Variants in TRABD2B observed in about 807,000 individuals in gnomAD.
TRABD2B encodes metalloprotease TIKI2.
A neutral mutation model predicts 40.1 loss-of-function variants in TRABD2B; 14 were observed. That is an observed-to-expected ratio of 0.35 (90% CI 0.23 to 0.55). The LOEUF (loss-of-function observed/expected upper bound fraction) is 0.55. TRABD2B is among the 20% of genes least tolerant of loss of function. The pLI is 0.90. For synonymous variants in TRABD2B, 263 were observed against 277.0 expected (o/e 0.95, Z 0.50); for missense variants, 541 against 648.6 (o/e 0.83, Z 1.80).
chr1:47,860,559 C>T (rs1643951914), intron 2 of TRABD2B, among the ~76,000 whole-genome samples: 1 of 152,132 alleles, frequency 6.6e-6, no homozygotes, highest in African/African-American at 2.4e-5. Context: ...GTCCTGGATT[C>T]CTGAATGACT....
At chr1:47,969,565 T>C (rs948903676) in intron 2 of TRABD2B, among the ~76,000 whole-genome samples, 1 of 152,172 alleles carries the variant, frequency 6.6e-6, no homozygotes, top group African/African-American at 2.4e-5. Flanking sequence ...TTTAGAAACT[T>C]ACAAACACTG....
At chr1:47,918,695 A>G (rs967914762) in intron 2 of TRABD2B, among the ~76,000 whole-genome samples, 1 of 47,970 alleles carries the variant, frequency 2.1e-5, no homozygotes, top group Non-Finnish European at 8.6e-5. Context: ...ACGGGGACGG[A>G]AAGAAAGGAC....
intron 2 of TRABD2B, among the ~76,000 whole-genome samples, chr1:47,979,649 C>A (rs902172775): frequency 1.3e-5 from 2 of 152,176 alleles, no homozygotes; most frequent in African/African-American, 4.8e-5. Flanking sequence ...ACCCCGCCCC[C>A]ACTTTGAACA....
chr1:47,874,335 C>A (rs1644190280), intron 2 of TRABD2B, among the ~76,000 whole-genome samples: 2 of 138,054 alleles, frequency 1.4e-5, no homozygotes, highest in Non-Finnish European at 1.5e-5. Context: ...TGCAGTGGCG[C>A]AATCTCGGCT....
chr1:47,853,703 T>C (rs759996447), intron 2 of TRABD2B, among the ~76,000 whole-genome samples: 1 of 152,176 alleles, frequency 6.6e-6, no homozygotes, highest in African/African-American at 2.4e-5. Flanking sequence ...ACCCATCCAA[T>C]ATTTATTAGA....
intron 2 of TRABD2B, among the ~76,000 whole-genome samples, chr1:47,900,964 T>G (rs1644592717): frequency 6.6e-6 from 1 of 152,182 alleles, no homozygotes; most frequent in African/African-American, 2.4e-5. Flanking sequence ...GGGGTTCTAT[T>G]CAACCTTTTA....
intron 2 of TRABD2B, among the ~76,000 whole-genome samples, chr1:47,827,297 C>G (rs889748381): frequency 6.6e-6 from 1 of 152,168 alleles, no homozygotes; most frequent in African/African-American, 2.4e-5. Flanking sequence ...CAGGCAGTGC[C>G]GAAGACACGC....
At chr1:47,778,613 C>G in intron 4 of TRABD2B, 69 bp from the exon 5 acceptor site, 2 of 1,172,790 alleles carry the variant, frequency 1.7e-6, no homozygotes, top group African/African-American at 1.5e-5. Context: ...CTGCCCCAGG[C>G]CATCCCCTAA....
chr1:47,913,775 G>A (rs1173635808), intron 2 of TRABD2B, among the ~76,000 whole-genome samples: 1 of 152,172 alleles, frequency 6.6e-6, no homozygotes, highest in Non-Finnish European at 1.5e-5. Flanking sequence ...ATCAGGAAAA[G>A]TACAATAAAC....
chr1:47,912,084 GGGC>G (rs1644770651), intron 2 of TRABD2B, among the ~76,000 whole-genome samples: 1 of 152,146 alleles, frequency 6.6e-6, no homozygotes, highest in East Asian at 1.9e-4. Flanking sequence ...TTGGAGGAGG[GGGC>G]TGAGGGAGGC....
chr1:47,840,820 TG>T (rs1274505070), intron 2 of TRABD2B, among the ~76,000 whole-genome samples: 1 of 152,168 alleles, frequency 6.6e-6, no homozygotes, highest in East Asian at 1.9e-4. Flanking sequence ...GAGAAAAATT[TG>T]CTGCTTAAGT....
chr1:47,958,888 C>T (rs1230800619), intron 2 of TRABD2B, among the ~76,000 whole-genome samples: 4 of 152,206 alleles, frequency 2.6e-5, no homozygotes, highest in African/African-American at 9.6e-5. Flanking sequence ...GAACTCTCAA[C>T]CCCAAATCAA....
intron 2 of TRABD2B, among the ~76,000 whole-genome samples, chr1:47,969,423 A>G (rs1266147205): frequency 1.3e-5 from 2 of 152,216 alleles, no homozygotes; most frequent in Non-Finnish European, 2.9e-5. Flanking sequence ...CACCACTCAC[A>G]AGGGCTCAGT....
intron 4 of TRABD2B, among the ~76,000 whole-genome samples, chr1:47,793,582 G>A (rs533361052): frequency 3.9e-5 from 6 of 152,360 alleles, no homozygotes; most frequent in African/African-American, 1.4e-4. Context: ...CACCAGGTGT[G>A]GTGAGCATGT....
At chr1:47,827,831 C>T (rs1235547847) in intron 2 of TRABD2B, among the ~76,000 whole-genome samples, 1 of 152,124 alleles carries the variant, frequency 6.6e-6, no homozygotes, top group Non-Finnish European at 1.5e-5. Context: ...TTTGAGTCCA[C>T]TTTGGCCCAC....
At chr1:47,913,012 G>C (rs962697839) in intron 2 of TRABD2B, among the ~76,000 whole-genome samples, 1 of 152,194 alleles carries the variant, frequency 6.6e-6, no homozygotes, top group Non-Finnish European at 1.5e-5. Context: ...GATTTCAAGT[G>C]TCTGGGCAGC....
chr1:47,779,579 C>A (rs1476481199), intron 4 of TRABD2B, among the ~76,000 whole-genome samples: 1 of 152,160 alleles, frequency 6.6e-6, no homozygotes, highest in East Asian at 1.9e-4. Context: ...TTGGGAAGAA[C>A]CCTCAGGAGG....
At chr1:47,896,778 C>G (rs1644528461) in intron 2 of TRABD2B, among the ~76,000 whole-genome samples, 1 of 152,220 alleles carries the variant, frequency 6.6e-6, no homozygotes. Context: ...GAAACTCCAA[C>G]TCCCTTGGCA....
At chr1:47,992,070 G>A (rs933569519) in intron 2 of TRABD2B, among the ~76,000 whole-genome samples, 1 of 152,228 alleles carries the variant, frequency 6.6e-6, no homozygotes, top group Non-Finnish European at 1.5e-5. Flanking sequence ...AGGGTATGGA[G>A]ATTAGGGAAC....
Sources: allele counts gnomAD v4.1 joint callset (sites outside exome capture counted in the v4.1 genomes callset), GRCh38; gene constraint gnomAD v4.1.1; transcripts MANE v1.5; gene names NCBI Gene and HGNC (gene_info 2026-07-23, HGNC 2026-07-21).